HHAT: variants seen among roughly 807,000 people sequenced by gnomAD.
HHAT encodes the protein protein-cysteine N-palmitoyltransferase HHAT.
A neutral mutation model predicts 70.8 loss-of-function variants in HHAT; 47 were observed. The observed-to-expected ratio is 0.66, with a 90% confidence interval of 0.53 to 0.85. The LOEUF (loss-of-function observed/expected upper bound fraction) is 0.85. Ranked by LOEUF, HHAT falls within the 40% of genes least tolerant of loss-of-function variation. The pLI is 0.00. For synonymous variants in HHAT, 228 were observed against 247.6 expected (o/e 0.92, Z 0.74); for missense variants, 609 against 604.8 (o/e 1.01, Z -0.07).
At chr1:210,479,458 C>T (rs534735622) in intron 8 of HHAT, among the ~76,000 whole-genome samples, 3 of 152,146 alleles carry the variant, frequency 2.0e-5, no homozygotes, top group Admixed American at 1.3e-4. Flanking sequence ...TCTATTGTCT[C>T]ATTTGTTGGT....
At position 210,542,124 on chromosome 1, in the gene HHAT, A is replaced by C. The variant is rs1279421550; in HGVS notation, c.1043+28936A>C. Among the ~76,000 whole-genome samples, 3 of 152,208 alleles carry C rather than the reference A, an allele frequency of 2.0e-5. No individual in the cohort carries two copies. In the East Asian group the frequency reaches 5.8e-4, roughly 29 times the overall value. ...GCTTTTTGAATGACAAAGGAAAGTG[A>C]AATTCAAACTGTTTCAAGATGAGAG... On this transcript the variant is annotated intron_variant, in intron 9 of 11. Coordinates refer to ENST00000261458, the MANE Select transcript of HHAT (RefSeq NM_018194.6).
At chr1:210,435,989 C>T (rs1237106016) in intron 7 of HHAT, among the ~76,000 whole-genome samples, 2 of 151,646 alleles carry the variant, frequency 1.3e-5, no homozygotes, top group African/African-American at 4.9e-5. Flanking sequence ...ATCTATTTTT[C>T]CTTTTGTTGC....
At chr1:210,335,408 A>G (rs1022615089) in intron 1 of HHAT, among the ~76,000 whole-genome samples, 1 of 152,118 alleles carries the variant, frequency 6.6e-6, no homozygotes, top group Non-Finnish European at 1.5e-5. Context: ...GCAAATCTAT[A>G]GATTCGGGCC....
At chr1:210,487,065 AAG>A (rs1448410610) in intron 8 of HHAT, among the ~76,000 whole-genome samples, 3 of 152,324 alleles carry the variant, frequency 2.0e-5, no homozygotes, top group Admixed American at 1.3e-4. Flanking sequence ...TTTCACTCCT[AAG>A]ATGTCCAGAT....
At chr1:210,513,319 C>G (rs1432800361) in intron 9 of HHAT, 131 bp downstream of exon 9, 1 of 532,930 alleles carries the variant, frequency 1.9e-6, no homozygotes, top group East Asian at 3.2e-5. Context: ...GAAAACATTG[C>G]TAACACTATG....
intron 11 of HHAT, among the ~76,000 whole-genome samples, chr1:210,672,322 G>A (rs1680252022): frequency 6.6e-6 from 1 of 152,118 alleles, no homozygotes; most frequent in Non-Finnish European, 1.5e-5. Flanking sequence ...GGGGCTTCCC[G>A]CAGCCTCCTT....
At chr1:210,660,520 C>T (rs1374880120) in intron 11 of HHAT, among the ~76,000 whole-genome samples, 1 of 152,176 alleles carries the variant, frequency 6.6e-6, no homozygotes, top group Non-Finnish European at 1.5e-5. Context: ...GTGCCATCCC[C>T]ATCAAGGTAC....
chr1:210,357,549 C>T (rs575546368), intron 2 of HHAT, among the ~76,000 whole-genome samples: 112 of 152,280 alleles, frequency 7.4e-4, no homozygotes, highest in African/African-American at 2.4e-3. Flanking sequence ...TGGCTGGGTA[C>T]GGTGGCTCAC....
At chr1:210,339,243 A>G (rs1418404942) in intron 1 of HHAT, among the ~76,000 whole-genome samples, 1 of 152,230 alleles carries the variant, frequency 6.6e-6, no homozygotes, top group Non-Finnish European at 1.5e-5. Flanking sequence ...CATATATAAG[A>G]AGGTAGGGAA....
intron 7 of HHAT, among the ~76,000 whole-genome samples, chr1:210,419,936 G>C (rs1194475754): frequency 6.6e-6 from 1 of 152,156 alleles, no homozygotes; most frequent in South Asian, 2.1e-4. Flanking sequence ...TCAAAATGGG[G>C]CTTAAACAAT....
chr1:210,582,732 C>T (rs958139439), intron 9 of HHAT, among the ~76,000 whole-genome samples: 4 of 152,188 alleles, frequency 2.6e-5, no homozygotes, highest in African/African-American at 7.2e-5. Context: ...CACAGGCAGA[C>T]GTCTGCAGGA....
chr1:210,574,251 G>A (rs927319739), intron 9 of HHAT, among the ~76,000 whole-genome samples: 49 of 152,208 alleles, frequency 3.2e-4, no homozygotes, highest in African/African-American at 1.2e-3. Flanking sequence ...CATTTTGAAA[G>A]ATCAAATGTT....
chr1:210,466,696 T>A (rs2094115671), intron 8 of HHAT, among the ~76,000 whole-genome samples: 1 of 152,218 alleles, frequency 6.6e-6, no homozygotes, highest in African/African-American at 2.4e-5. Context: ...CAACCCACTG[T>A]GTCACCAGAG....
intron 7 of HHAT, among the ~76,000 whole-genome samples, chr1:210,441,476 C>A (rs1327613597): frequency 2.6e-5 from 4 of 152,102 alleles, no homozygotes; most frequent in Non-Finnish European, 4.4e-5. Flanking sequence ...CAAGTAGTTA[C>A]CTAAGTGAGT....
At chr1:210,471,324 G>GT (rs1184524894) in intron 8 of HHAT, among the ~76,000 whole-genome samples, 2 of 152,058 alleles carry the variant, frequency 1.3e-5, no homozygotes, top group East Asian at 3.8e-4. Context: ...GCTTTGCCTT[G>GT]TAAGGAATCT....
intron 3 of HHAT, among the ~76,000 whole-genome samples, chr1:210,366,910 G>A (rs4845007): frequency 6.6e-6 from 1 of 152,080 alleles, no homozygotes; most frequent in Admixed American, 6.5e-5. Flanking sequence ...AGCTGAGCTT[G>A]GTGCTCATAG....
At chr1:210,557,840 T>C (rs1279478216) in intron 9 of HHAT, among the ~76,000 whole-genome samples, 4 of 152,166 alleles carry the variant, frequency 2.6e-5, no homozygotes, top group African/African-American at 9.7e-5. Flanking sequence ...AGCCAAACCC[T>C]ATCACCTGTC....
At chr1:210,347,226 A>G (rs1326590320) in intron 1 of HHAT, among the ~76,000 whole-genome samples, 1 of 152,120 alleles carries the variant, frequency 6.6e-6, no homozygotes, top group East Asian at 1.9e-4. Context: ...TAGGTTTCAC[A>G]TATAAGTGAG....
intron 3 of HHAT, among the ~76,000 whole-genome samples, chr1:210,363,517 C>A (rs188167773): frequency 1.6e-4 from 25 of 152,272 alleles, no homozygotes; most frequent in Non-Finnish European, 3.1e-4. Flanking sequence ...AGGTACCAGA[C>A]CCTTCTCTTC....
Sources: gnomAD v4.1 joint callset for allele counts (sites outside exome capture counted in the v4.1 genomes callset) on GRCh38, gnomAD v4.1.1 for gene constraint, MANE v1.5 for transcripts, NCBI Gene and HGNC (gene_info 2026-07-23, HGNC 2026-07-21) for gene names.